The following DCDC2 variants were observed in gnomAD, a reference collection of about 807,000 sequenced individuals.
The protein encoded by DCDC2 is doublecortin domain containing 2, also known as doublecortin domain-containing protein 2.
In DCDC2, 40 loss-of-function variants were observed where a neutral mutation model predicts 50.2. The observed-to-expected ratio is 0.80, with a 90% confidence interval of 0.62 to 1.04. DCDC2 has a LOEUF of 1.04. DCDC2 is among the 50% of genes least tolerant of loss of function. The probability of loss-of-function intolerance (pLI) is 0.00; values close to 1 mark genes in which losing one functional copy is unlikely to be tolerated. For synonymous variants in DCDC2, 234 were observed against 210.6 expected, an observed-to-expected ratio of 1.11 and a Z score of -0.96; for missense variants, 570 against 581.9, an observed-to-expected ratio of 0.98 and a Z score of 0.21.
At chr6:24,351,902 A>C (rs1371967073) in intron 2 of DCDC2, among the ~76,000 whole-genome samples, 1 of 152,130 alleles carries the variant, frequency 6.6e-6, no homozygotes, top group Non-Finnish European at 1.5e-5. Context: ...TCAGGAGTTC[A>C]AGACCAGCCT....
chr6:24,227,545 A>T (rs1581598538), intron 7 of DCDC2, among the ~76,000 whole-genome samples: 1 of 152,156 alleles, frequency 6.6e-6, no homozygotes, highest in Non-Finnish European at 1.5e-5. Context: ...TTAATCAGAG[A>T]CCCTGGACAG....
At chr6:24,238,059 C>T (rs1213173055) in intron 7 of DCDC2, among the ~76,000 whole-genome samples, 1 of 110,542 alleles carries the variant, frequency 9.0e-6, no homozygotes, top group East Asian at 2.7e-4. Context: ...CACATGTGCA[C>T]CTGAATCTAA....
In DCDC2 at chr6:24,183,062, G is replaced by C. The variant is rs79416398; in HGVS notation, c.1024-4430C>G. Among the ~76,000 whole-genome samples, 739 of 152,300 alleles carry C rather than the reference G, an allele frequency of 4.9e-3. 10 individuals carry two copies. Among genetic ancestry groups the C allele is most frequent in the Non-Finnish European group, 7.3e-3 (499 of 68,022 alleles). Reference sequence around the variant, plus strand: ...CCAGTCACACAAAAAGACAAATACTGTATGATTCTACATGTGAGGTATGTA... The same window carrying C: ...CCAGTCACACAAAAAGACAAATACTCTATGATTCTACATGTGAGGTATGTA... On this transcript the variant is annotated intron_variant, in intron 8 of 9. Transcript: ENST00000378454.
intron 7 of DCDC2, among the ~76,000 whole-genome samples, chr6:24,231,116 C>T (rs1285194999): frequency 1.3e-5 from 2 of 152,232 alleles, no homozygotes; most frequent in Admixed American, 6.5e-5. Flanking sequence ...GAAATGGGAG[C>T]GATGAGAAGA....
chr6:24,311,267 G>A (rs573144785), intron 2 of DCDC2, among the ~76,000 whole-genome samples: 1 of 152,226 alleles, frequency 6.6e-6, no homozygotes, highest in South Asian at 2.1e-4. Flanking sequence ...AAATCATTTT[G>A]TCTGAACTTT....
chr6:24,292,069 TAACCTTCCTTTACTGTA>T (rs1031770721), intron 4 of DCDC2, among the ~76,000 whole-genome samples: 1 of 152,166 alleles, frequency 6.6e-6, no homozygotes, highest in African/African-American at 2.4e-5. Context: ...AGTTTCACAG[TAACCTTCCTTTACTGTA>T]AAACTGCTGC....
chr6:24,233,106 G>A (rs1389451486), intron 7 of DCDC2, among the ~76,000 whole-genome samples: 1 of 152,198 alleles, frequency 6.6e-6, no homozygotes, highest in Admixed American at 6.5e-5. Context: ...ATGGCGATCA[G>A]ACTTCATCAC....
At chr6:24,299,778 G>A (rs1388240841) in intron 4 of DCDC2, among the ~76,000 whole-genome samples, 2 of 151,964 alleles carry the variant, frequency 1.3e-5, no homozygotes, top group Admixed American at 1.3e-4. Context: ...AATTAGATGG[G>A]CATGGTGGCA....
At chr6:24,339,824 A>G (rs1407504319) in intron 2 of DCDC2, among the ~76,000 whole-genome samples, 1 of 152,218 alleles carries the variant, frequency 6.6e-6, no homozygotes, top group South Asian at 2.1e-4. Context: ...TATATTTATA[A>G]TAAGTGTTGG....
At chr6:24,334,024 A>G (rs1760013076) in intron 2 of DCDC2, among the ~76,000 whole-genome samples, 1 of 152,214 alleles carries the variant, frequency 6.6e-6, no homozygotes, top group South Asian at 2.1e-4. Flanking sequence ...TAGAGCAGGG[A>G]AGATAGCCCT....
At position 24,173,541 on chromosome 6, in the gene DCDC2, G is replaced by GT. The variant is rs1231676135; in HGVS notation, c.*1188dup. 1 of 152,036 alleles carries GT rather than the reference G, an allele frequency of 6.6e-6. No individual in the cohort carries two copies. Among genetic ancestry groups the GT allele is most frequent in the African/African-American group, 2.4e-5 (1 of 41,412 alleles). 9.4% of individuals were successfully genotyped at this position (152,036 alleles called of 1,614,324 possible). On this transcript the variant is annotated 3_prime_UTR_variant, in exon 10 of 10. Transcript: ENST00000378454. The stretch of plus-strand genomic sequence containing the variant: ...AATTATGTTTTAATTATGTTTTTAT[G>GT]TTTTCCCCATACATACCTCACAAGG...
the DCDC2 span, among the ~76,000 whole-genome samples, chr6:24,381,832 AAG>A: frequency 7.0e-6 from 1 of 143,814 alleles, no homozygotes; most frequent in Non-Finnish European, 1.5e-5. Context: ...GGAAGGAAGG[AAG>A]GAAGGAAGGA....
chr6:24,358,789 A>T (rs1363471580), upstream of DCDC2, among the ~76,000 whole-genome samples: 1 of 77,344 alleles, frequency 1.3e-5, no homozygotes, highest in African/African-American at 5.2e-5. Flanking sequence ...TAATATATAA[A>T]ATATATATTT....
upstream of DCDC2, among the ~76,000 whole-genome samples, chr6:24,359,498 A>G (rs1455619214): frequency 2.1e-5 from 2 of 96,496 alleles, no homozygotes; most frequent in Non-Finnish European, 3.8e-5. Flanking sequence ...AATATATTAT[A>G]TATATTTTAT....
Position 24,174,632 on chromosome 6 carries a change from G to T in DCDC2, c.*98C>A. The T allele has an allele frequency of 1.3e-6, 1 of 781,572 alleles. No individual in the cohort carries two copies. Among genetic ancestry groups the T allele is most frequent in the Non-Finnish European group, 2.1e-6 (1 of 479,062 alleles). 48.4% of individuals were successfully genotyped at this position (781,572 alleles called of 1,614,324 possible). ...AATTCGTAGGTAGTATTCGACCATA[G>T]TGTCACATTATATTCAGCAATAACT... On this transcript the variant is annotated 3_prime_UTR_variant, in exon 10 of 10. Coordinates refer to ENST00000378454, the MANE Select transcript of DCDC2 (RefSeq NM_016356.5).
At chr6:24,286,373 G>A (rs1295616738) in intron 6 of DCDC2, among the ~76,000 whole-genome samples, 3 of 152,102 alleles carry the variant, frequency 2.0e-5, no homozygotes, top group Non-Finnish European at 2.9e-5. Context: ...CAGGCCGATC[G>A]CTGGAGCCCA....
chr6:24,311,737 T>C (rs1220855918), intron 2 of DCDC2, among the ~76,000 whole-genome samples: 1 of 152,230 alleles, frequency 6.6e-6, no homozygotes, highest in Non-Finnish European at 1.5e-5. Flanking sequence ...AGCAGTCACA[T>C]GAATCCACTT....
chr6:24,362,678 C>A (rs1760689396), upstream of DCDC2, among the ~76,000 whole-genome samples: 1 of 152,096 alleles, frequency 6.6e-6, no homozygotes, highest in South Asian at 2.1e-4. Flanking sequence ...TTCTCTAGAC[C>A]ATCTAAAAGG....
chr6:24,257,235 C>T lies in DCDC2; in HGVS notation c.922+20814G>A, dbSNP rs142224478. Among the ~76,000 whole-genome samples, 649 of 152,196 alleles carry T rather than the reference C, an allele frequency of 4.3e-3. 6 individuals are homozygous for T. The highest frequency in any genetic ancestry group is 6.5e-3 in the Non-Finnish European group (445 of 68,010). On this transcript the variant is annotated intron_variant, in intron 7 of 9. Coordinates refer to ENST00000378454, the MANE Select transcript of DCDC2 (RefSeq NM_016356.5). ...AATATCATCATAAATAACTGGAATG[C>T]CTAACCTTCAAATAAAAACATGGCA...
Sources: gnomAD v4.1 joint callset for allele counts (sites outside exome capture counted in the v4.1 genomes callset) on GRCh38, gnomAD v4.1.1 for gene constraint, MANE v1.5 for transcripts, NCBI Gene and HGNC (gene_info 2026-07-23, HGNC 2026-07-21) for gene names.